Variants in CERS6 observed in about 807,000 individuals in gnomAD.
The protein encoded by CERS6 is ceramide synthase 6.
CERS6 carries 26 observed loss-of-function variants against 56.8 expected under a neutral mutation model. That is an observed-to-expected ratio of 0.46 (90% CI 0.34 to 0.63). The LOEUF (loss-of-function observed/expected upper bound fraction) is 0.63. Ranked by LOEUF, CERS6 falls within the 30% of genes least tolerant of loss-of-function variation. The pLI is 0.01. For missense variants in CERS6, 415 were observed against 467.5 expected (o/e 0.89, Z 1.04); for synonymous variants, 164 against 173.3 (o/e 0.95, Z 0.42).
Position 168,768,918 on chromosome 2 carries a change from A to G in CERS6, c.1003-592A>G, listed in dbSNP as rs570374834. ...AGACTCTGACTCAAAAAAAAAAAAA[A>G]AAAAGAAAAGAAAAAAAAAATGCTT... On this transcript the variant is annotated intron_variant, in intron 9 of 9. Transcript: ENST00000305747. 8.0e-3 allele frequency among the ~76,000 whole-genome samples: 1,204 copies of G among 151,110 alleles called. 11 individuals carry two copies. Among genetic ancestry groups the G allele is most frequent in the African/African-American group, 0.027 (1,115 of 40,852 alleles).
At chr2:168,476,243 T>C (rs1254307430) in intron 1 of CERS6, among the ~76,000 whole-genome samples, 1 of 151,708 alleles carries the variant, frequency 6.6e-6, no homozygotes, top group African/African-American at 2.4e-5. Context: ...TTTATCACCT[T>C]GCTCTGTGTA....
chr2:168,630,083 T>G (rs1684677879), intron 3 of CERS6, among the ~76,000 whole-genome samples: 1 of 152,146 alleles, frequency 6.6e-6, no homozygotes, highest in Admixed American at 6.6e-5. Context: ...CCCAAAGTGC[T>G]GGGATTACAG....
At chr2:168,525,726 T>C (rs1156547431) in intron 1 of CERS6, among the ~76,000 whole-genome samples, 1 of 152,182 alleles carries the variant, frequency 6.6e-6, no homozygotes, top group Admixed American at 6.5e-5. Context: ...TTCAAAAAAA[T>C]TTTTATGGTA....
intron 1 of CERS6, among the ~76,000 whole-genome samples, chr2:168,460,982 G>A (rs1053197112): frequency 1.7e-4 from 22 of 133,014 alleles, no homozygotes; most frequent in Non-Finnish European, 3.1e-4. Flanking sequence ...TTGAGAGAGC[G>A]AGAGAGAGAG....
At chr2:168,614,880 T>C (rs1413526233) in intron 3 of CERS6, among the ~76,000 whole-genome samples, 1 of 152,110 alleles carries the variant, frequency 6.6e-6, no homozygotes, top group Non-Finnish European at 1.5e-5. Context: ...GCTGATGCTC[T>C]CTTCAAAGCG....
chr2:168,750,942 C>G lies in CERS6; in HGVS notation c.846-14650C>G, dbSNP rs116543046. Among the ~76,000 whole-genome samples the G allele has an allele frequency of 8.1e-3, 1,232 of 152,262 alleles. 17 individuals carry two copies. The highest frequency in any genetic ancestry group is 0.027 in the African/African-American group (1,139 of 41,536). On this transcript the variant is annotated intron_variant, in intron 8 of 9. Transcript: ENST00000305747. ...TCCTGGAAGTGTTGGGCATACAATA[C>G]AAACTTAATAAAAATAAAGTTAATT... is the stretch of plus-strand genomic sequence containing the variant.
At chr2:168,640,669 G>T (rs941584506) in intron 4 of CERS6, among the ~76,000 whole-genome samples, 1 of 152,220 alleles carries the variant, frequency 6.6e-6, no homozygotes, top group African/African-American at 2.4e-5. Context: ...CCTGCCTTCA[G>T]GGATTTTGTA....
intron 8 of CERS6, among the ~76,000 whole-genome samples, chr2:168,746,979 T>C (rs1684127235): frequency 6.6e-6 from 1 of 151,806 alleles, no homozygotes; most frequent in Non-Finnish European, 1.5e-5. Context: ...AATTACCATT[T>C]TGGCATATGT....
At chr2:168,605,166 G>A (rs59019478) in intron 3 of CERS6, among the ~76,000 whole-genome samples, 7,031 of 152,300 alleles carry the variant, frequency 0.046, 555 homozygotes, top group African/African-American at 0.16. Context: ...AGACGGATAT[G>A]AGGAACTTAT....
intron 3 of CERS6, among the ~76,000 whole-genome samples, chr2:168,595,660 C>T (rs1366621369): frequency 6.6e-6 from 1 of 152,142 alleles, no homozygotes; most frequent in Non-Finnish European, 1.5e-5. Context: ...TTTCATTATA[C>T]ATTCAGATGT....
At chr2:168,743,543 G>C (rs1683992269) in intron 8 of CERS6, among the ~76,000 whole-genome samples, 1 of 84,158 alleles carries the variant, frequency 1.2e-5, no homozygotes, top group South Asian at 3.4e-4. Flanking sequence ...GCTGAGGCGA[G>C]ACTGTCTCAA....
At chr2:168,709,178 C>T (rs2105381672) in intron 6 of CERS6, among the ~76,000 whole-genome samples, 1 of 152,178 alleles carries the variant, frequency 6.6e-6, no homozygotes, top group South Asian at 2.1e-4. Flanking sequence ...TTCATTCTAA[C>T]AGTTGGGGAT....
chr2:168,744,033 T>C (rs1271404576), intron 8 of CERS6, among the ~76,000 whole-genome samples: 4 of 144,876 alleles, frequency 2.8e-5, no homozygotes, highest in Admixed American at 2.1e-4. Flanking sequence ...AGTCTTGCTC[T>C]GTCACCCAGG....
At chr2:168,460,037 T>C (rs1231336315) in intron 1 of CERS6, among the ~76,000 whole-genome samples, 1 of 152,166 alleles carries the variant, frequency 6.6e-6, no homozygotes, top group Non-Finnish European at 1.5e-5. Context: ...GCCTCCTAAT[T>C]TATCTCTGTT....
intron 3 of CERS6, among the ~76,000 whole-genome samples, chr2:168,602,278 G>C (rs183028044): frequency 7.1e-4 from 108 of 152,198 alleles, no homozygotes; most frequent in Non-Finnish European, 8.8e-4. Context: ...GAACATATAA[G>C]TATTTAAAAA....
intron 6 of CERS6, among the ~76,000 whole-genome samples, chr2:168,702,401 A>C (rs985886786): frequency 1.3e-5 from 2 of 152,218 alleles, no homozygotes; most frequent in African/African-American, 2.4e-5. Context: ...AAATGCACAA[A>C]ATTAGCTTGT....
At chr2:168,686,242 G>A (rs1031804793) in intron 4 of CERS6, among the ~76,000 whole-genome samples, 3 of 150,364 alleles carry the variant, frequency 2.0e-5, no homozygotes, top group East Asian at 2.0e-4. Context: ...CTGAGCACGC[G>A]CGTGGAGAGG....
chr2:168,456,729 C>T lies in CERS6; in HGVS notation c.170+111C>T, dbSNP rs909428458. 2.9e-6 allele frequency: 3 copies of T among 1,038,170 alleles called. No individual in the cohort carries two copies. The highest frequency in any genetic ancestry group is 3.0e-5 in the South Asian group (2 of 65,684). The allele number at this position is 1,038,170 out of a possible 1,614,324, so 64.3% of individuals were successfully genotyped here. ...GCGCCCCCAACGCTCGCGTTCACGC[C>T]TCCCAACCTTTGTGTTCGGGGAGGG... On this transcript the variant is annotated intron_variant, in intron 1 of 9. Coordinates refer to ENST00000305747, the MANE Select transcript of CERS6 (RefSeq NM_203463.3). The surrounding 1 kb of genome is among the most constrained non-coding windows in gnomAD (Gnocchi z 4.1).
chr2:168,749,384 A>G (rs142175697), intron 8 of CERS6, among the ~76,000 whole-genome samples: 51 of 152,292 alleles, frequency 3.3e-4, no homozygotes, highest in Non-Finnish European at 5.1e-4. Context: ...AGCCCATCCC[A>G]TATAGGCAGG....
Sources: gnomAD v4.1 joint callset for allele counts (sites outside exome capture counted in the v4.1 genomes callset) on GRCh38, gnomAD v4.1.1 for gene constraint, Gnocchi (gnomAD v3.1) non-coding constraint, MANE v1.5 for transcripts, NCBI Gene and HGNC (gene_info 2026-07-23, HGNC 2026-07-21) for gene names.